LCLAT1: variants seen among roughly 807,000 people sequenced by gnomAD.
The protein encoded by LCLAT1 is lysocardiolipin acyltransferase 1.
In LCLAT1, 11 loss-of-function variants were observed where a neutral mutation model predicts 30.7. The ratio of observed to expected loss-of-function variants is 0.36; its 90% confidence interval spans 0.23 to 0.59. The LOEUF is 0.59. Among genes scored for constraint, LCLAT1 ranks in the 20% least tolerant of loss-of-function variants. The pLI is 0.77. For missense variants in LCLAT1, 402 were observed against 458.6 expected, an observed-to-expected ratio of 0.88 and a Z score of 1.13; for synonymous variants, 155 against 151.3, an observed-to-expected ratio of 1.02 and a Z score of -0.18.
At chr2:30,542,362 C>G (rs1664181944) in intron 3 of LCLAT1, among the ~76,000 whole-genome samples, 1 of 152,098 alleles carries the variant, frequency 6.6e-6, no homozygotes, top group Non-Finnish European at 1.5e-5. Context: ...TATTGTGAGG[C>G]AGGGTCAATG....
rs1669280834 is a variant in LCLAT1, at chr2:30,641,074, T to C, written c.*455T>C. On this transcript the variant is annotated 3_prime_UTR_variant, in exon 6 of 6. Transcript: ENST00000379509. ...TCAGGCAGGTGGTGCCCAGGCTCCC[T>C]CCCTTGGCGTCCTTCTTCCTGCGCC... The C allele has an allele frequency of 6.5e-6, 1 of 154,266 alleles. No homozygotes were observed. The allele number at this position is 154,266 out of a possible 1,614,324, so 9.6% of individuals were successfully genotyped here. A position where few individuals can be genotyped will look rare whatever the true frequency, so the allele number is the denominator to read the frequency against.
At chr2:30,624,302 T>C (rs1406228383) in intron 5 of LCLAT1, among the ~76,000 whole-genome samples, 1 of 152,096 alleles carries the variant, frequency 6.6e-6, no homozygotes, top group East Asian at 1.9e-4. Context: ...GCCTAAATGC[T>C]CCACTTAAAA....
chr2:30,569,486 A>T (rs775663620), intron 5 of LCLAT1, among the ~76,000 whole-genome samples: 2 of 152,208 alleles, frequency 1.3e-5, no homozygotes, highest in Non-Finnish European at 2.9e-5. Flanking sequence ...GATTTCCAGT[A>T]AGCCATATTG....
chr2:30,627,406 C>T (rs1344648910), intron 5 of LCLAT1, among the ~76,000 whole-genome samples: 1 of 152,222 alleles, frequency 6.6e-6, no homozygotes, highest in Admixed American at 6.5e-5. Flanking sequence ...GCTGACCCCT[C>T]CTCTACATTC....
chr2:30,526,467 C>A (rs1479967390), intron 2 of LCLAT1, among the ~76,000 whole-genome samples: 1 of 151,802 alleles, frequency 6.6e-6, no homozygotes, highest in African/African-American at 2.4e-5. Context: ...ATTTTGGGTT[C>A]TTTATTGGTT....
intron 1 of LCLAT1, among the ~76,000 whole-genome samples, chr2:30,451,115 G>T (rs1046448327): frequency 6.6e-5 from 10 of 152,166 alleles, no homozygotes; most frequent in Admixed American, 2.0e-4. Flanking sequence ...ACATAAAAAG[G>T]TACTTAACAT....
intron 5 of LCLAT1, among the ~76,000 whole-genome samples, chr2:30,569,746 C>CA (rs1455946227): frequency 6.6e-6 from 1 of 152,212 alleles, no homozygotes; most frequent in Non-Finnish European, 1.5e-5. Flanking sequence ...ACAATCAATT[C>CA]AAAATCACAT....
chr2:30,553,870 G>A (rs1664794237), intron 3 of LCLAT1, among the ~76,000 whole-genome samples: 1 of 152,098 alleles, frequency 6.6e-6, no homozygotes, highest in African/African-American at 2.4e-5. Context: ...GATACAGGTT[G>A]CGCTATCATT....
At chr2:30,617,323 A>AC (rs1668039888) in intron 5 of LCLAT1, among the ~76,000 whole-genome samples, 1 of 152,146 alleles carries the variant, frequency 6.6e-6, no homozygotes, top group Admixed American at 6.5e-5. Flanking sequence ...AGTTAGAATA[A>AC]TGCTGTTAAG....
intron 3 of LCLAT1, among the ~76,000 whole-genome samples, chr2:30,554,745 G>A (rs1008650517): frequency 2.6e-5 from 4 of 152,106 alleles, no homozygotes; most frequent in Admixed American, 2.6e-4. Flanking sequence ...TGAAGATTAA[G>A]AATATGATTT....
chr2:30,448,617 T>C (rs1290471329), intron 1 of LCLAT1, among the ~76,000 whole-genome samples: 2 of 152,240 alleles, frequency 1.3e-5, no homozygotes, highest in Non-Finnish European at 2.9e-5. Context: ...AGGCTTCTCC[T>C]ACTTTTTAAT....
At chr2:30,515,260 A>G (rs905149635) in intron 1 of LCLAT1, among the ~76,000 whole-genome samples, 1 of 152,292 alleles carries the variant, frequency 6.6e-6, no homozygotes, top group East Asian at 1.9e-4. Flanking sequence ...CACCTGTTGC[A>G]TACCTCCTAT....
rs760622200 is a variant in LCLAT1, at chr2:30,461,770, C to CCTTTTTTTTTTTTTTTTTTTTTTTTTTTT, written c.-5+14387_-5+14388insCTTTTTTTTTTTTTTTTTTTTTTTTTTTT. Reference sequence around the variant, plus strand: ...TGTGGACCACTTTTTCTAAATTAAACTTTTTTTTTTTTTTTTTTGAGACGG... The same window carrying CCTTTTTTTTTTTTTTTTTTTTTTTTTTTT: ...TGTGGACCACTTTTTCTAAATTAAACCTTTTTTTTTTTTTTTTTTTTTTTTTTTTTTTTTTTTTTTTTTTTTTGAGACGG... On this transcript the variant is annotated intron_variant, in intron 1 of 5. Coordinates refer to ENST00000379509, the MANE Select transcript of LCLAT1 (RefSeq NM_001002257.3). Among the ~76,000 whole-genome samples the CCTTTTTTTTTTTTTTTTTTTTTTTTTTTT allele has an allele frequency of 6.1e-4, 81 of 131,782 alleles. 8 individuals are homozygous for CCTTTTTTTTTTTTTTTTTTTTTTTTTTTT. Among genetic ancestry groups the CCTTTTTTTTTTTTTTTTTTTTTTTTTTTT allele is most frequent in the Admixed American group, 2.5e-3 (32 of 12,628 alleles). 86.5% of individuals were successfully genotyped at this position (131,782 alleles called of 152,430 possible).
intron 1 of LCLAT1, chr2:30,459,615 G>A (rs1161486428): frequency 6.2e-7 from 1 of 1,609,222 alleles, no homozygotes; most frequent in South Asian, 1.1e-5. Context: ...TGTGATATAT[G>A]CATTCCAGGG....
Position 30,533,237 on chromosome 2 carries a change from A to G in LCLAT1, c.287A>G (p.Asn96Ser), listed in dbSNP as rs1572582705. 2.1e-5 allele frequency: 34 copies of G among 1,614,110 alleles called. No individual in the cohort carries two copies. In the East Asian group the frequency reaches 4.0e-4, roughly 19 times the overall value. ...AGAATGGACTGGATGTTCCTGTGGAATTGCCTGATGCGATATAGCTACCTC... is the reference window on the plus strand; with the variant it reads ...AGAATGGACTGGATGTTCCTGTGGAGTTGCCTGATGCGATATAGCTACCTC... The part of the protein sequence containing the change: ...RTRMDWMFLW[N>S]CLMRYSYLRL... Residue 96 changes from asparagine (N) to serine (S), a missense_variant, in exon 3 of 6, where the codon AAT (asparagine) becomes AGT (serine). Coordinates refer to ENST00000379509, the MANE Select transcript of LCLAT1 (RefSeq NM_001002257.3).
At chr2:30,618,868 A>G (rs756725843) in intron 5 of LCLAT1, among the ~76,000 whole-genome samples, 1 of 152,078 alleles carries the variant, frequency 6.6e-6, no homozygotes, top group Non-Finnish European at 1.5e-5. Context: ...TTGTGAATAA[A>G]GAGTTTTACT....
intron 1 of LCLAT1, among the ~76,000 whole-genome samples, chr2:30,460,772 C>G (rs1255116883): frequency 6.6e-6 from 1 of 152,122 alleles, no homozygotes; most frequent in Non-Finnish European, 1.5e-5. Flanking sequence ...TAGCCCCATC[C>G]CCTGGTCTCT....
chr2:30,618,654 C>CAT (rs1482036926), intron 5 of LCLAT1, among the ~76,000 whole-genome samples: 1 of 152,090 alleles, frequency 6.6e-6, no homozygotes, highest in African/African-American at 2.4e-5. Flanking sequence ...AACAAACCCT[C>CAT]ATGACGTATG....
intron 4 of LCLAT1, among the ~76,000 whole-genome samples, chr2:30,565,081 G>A (rs1665413401): frequency 6.6e-6 from 1 of 152,032 alleles, no homozygotes; most frequent in Admixed American, 6.6e-5. Context: ...CTTGGGTTAG[G>A]GAGTTCTATA....
Sources: gnomAD v4.1 joint callset for allele counts (sites outside exome capture counted in the v4.1 genomes callset) on GRCh38, gnomAD v4.1.1 for gene constraint, MANE v1.5 for transcripts, NCBI Gene and HGNC (gene_info 2026-07-23, HGNC 2026-07-21) for gene names.